Variants in NSMAF observed in about 807,000 individuals in gnomAD.
NSMAF encodes neutral sphingomyelinase activation associated factor.
In NSMAF, 90 loss-of-function variants were observed where a neutral mutation model predicts 134.9. The observed-to-expected ratio is 0.67, with a 90% CI of 0.56 to 0.79. NSMAF has a LOEUF of 0.79. Ranked by LOEUF, NSMAF falls within the 30% of genes least tolerant of loss-of-function variation. NSMAF has a pLI of 0.00. For synonymous variants in NSMAF, 358 were observed against 389.6 expected, an observed-to-expected ratio of 0.92 and a Z score of 0.96; for missense variants, 1,010 against 1,119.0, an observed-to-expected ratio of 0.90 and a Z score of 1.39.
chr8:58,603,019 A>G (rs890524182), intron 13 of NSMAF, among the ~76,000 whole-genome samples, 191 bp downstream of exon 13: 4 of 152,206 alleles, frequency 2.6e-5, no homozygotes, highest in African/African-American at 4.8e-5. Flanking sequence ...ACATACATGA[A>G]ACACTTACGT....
In NSMAF at chr8:58,623,731, T is replaced by A. The variant is rs761251193; in HGVS notation, c.434A>T (p.Asp145Val). The change falls in exon 7 of 31, where the codon GAT becomes GTT. Residue 145 changes from aspartate to valine, a missense_variant. Coordinates refer to ENST00000038176, the MANE Select transcript of NSMAF (RefSeq NM_003580.4). The stretch of plus-strand genomic sequence containing the variant: ...TACCTGAAGCAACGTCTCCACAACA[T>A]CTTCCACTTTCCCGGGAACATCCAA... ...FELDVPGKVE[D>V]VVETLLQLHR... The A allele has an allele frequency of 2.1e-5, 34 of 1,614,028 alleles. No individual in the cohort carries two copies. The highest frequency in any genetic ancestry group is 3.3e-4 in the Middle Eastern group (2 of 6,084).
intron 6 of NSMAF, among the ~76,000 whole-genome samples, chr8:58,630,761 A>G (rs2129145472): frequency 6.6e-6 from 1 of 152,334 alleles, no homozygotes; most frequent in South Asian, 2.1e-4. Context: ...CGTAAAACCC[A>G]GAGGCCACTG....
intron 9 of NSMAF, among the ~76,000 whole-genome samples, chr8:58,611,762 AT>A (rs1273065321): frequency 6.6e-6 from 1 of 152,196 alleles, no homozygotes; most frequent in East Asian, 1.9e-4. Context: ...AATGAAAAAA[AT>A]ATATAGGAGT....
chr8:58,589,922 A>G (rs1008906787), intron 25 of NSMAF, 85 bp downstream of exon 25: 17 of 1,131,966 alleles, frequency 1.5e-5, no homozygotes, highest in Admixed American at 7.5e-5. Flanking sequence ...CCTGGCAGGG[A>G]AAGCTTCTGG....
intron 1 of NSMAF, among the ~76,000 whole-genome samples, chr8:58,652,173 A>G (rs974763056): frequency 1.3e-5 from 2 of 152,176 alleles, no homozygotes; most frequent in African/African-American, 4.8e-5. Context: ...AAAAAAATCT[A>G]TATCTAGACA....
At chr8:58,652,264 T>C (rs1807602783) in intron 1 of NSMAF, among the ~76,000 whole-genome samples, 1 of 152,100 alleles carries the variant, frequency 6.6e-6, no homozygotes, top group Non-Finnish European at 1.5e-5. Flanking sequence ...GACTTAACAA[T>C]ATTGGTTTGT....
At chr8:58,651,282 C>T (rs1807576859) in intron 1 of NSMAF, among the ~76,000 whole-genome samples, 1 of 152,196 alleles carries the variant, frequency 6.6e-6, no homozygotes, top group Non-Finnish European at 1.5e-5. Flanking sequence ...ATTTCTAGTT[C>T]CTGTACCAGT....
intron 16 of NSMAF, among the ~76,000 whole-genome samples, chr8:58,600,483 C>T (rs906335436): frequency 2.0e-5 from 3 of 151,764 alleles, no homozygotes; most frequent in Non-Finnish European, 4.4e-5. Flanking sequence ...ATTAGCTGGG[C>T]GTGGTGGCAT....
intron 9 of NSMAF, among the ~76,000 whole-genome samples, chr8:58,616,880 C>T (rs76937541): frequency 0.038 from 5,731 of 152,106 alleles, 105 homozygotes; most frequent in Non-Finnish European, 0.044. Flanking sequence ...TTAGAAGAGT[C>T]ATAGTATACA....
intron 9 of NSMAF, among the ~76,000 whole-genome samples, chr8:58,614,740 C>G (rs1269419383): frequency 6.6e-6 from 1 of 152,162 alleles, no homozygotes; most frequent in Non-Finnish European, 1.5e-5. Context: ...ATAAAAGATT[C>G]TCCTGTTTTA....
chr8:58,599,408 T>A, intron 18 of NSMAF, 45 bp from the exon 19 acceptor site: 1 of 1,597,782 alleles, frequency 6.3e-7, no homozygotes, highest in East Asian at 2.2e-5. Flanking sequence ...TCTTCATTTT[T>A]TTCCTCCCAT....
chr8:58,595,649 A>T lies in NSMAF; in HGVS notation c.1803T>A (p.Ser601=). ...TGCTTTCTTCGGTCAGGTCTTCAAA[A>T]GACTCTTCACCTGGAGAGACGACAT... ...ASMADSPGEE[S]FEDLTEESKT... Residue 601 remains serine, a synonymous_variant, in exon 22 of 31, where the codon TCT becomes TCA. Transcript: ENST00000038176. 1 of 1,612,696 alleles carries T rather than the reference A, an allele frequency of 6.2e-7. No individual in the cohort carries two copies. The highest frequency in any genetic ancestry group is 8.5e-7 in the Non-Finnish European group (1 of 1,178,948).
At chr8:58,627,172 T>C (rs1268985202) in intron 6 of NSMAF, among the ~76,000 whole-genome samples, 4 of 152,258 alleles carry the variant, frequency 2.6e-5, no homozygotes, top group African/African-American at 9.6e-5. Context: ...CTGTTTACTC[T>C]GCTGGTTATT....
At chr8:58,640,138 A>G (rs899693463) in intron 2 of NSMAF, 4 of 447,530 alleles carry the variant, frequency 8.9e-6, no homozygotes, top group Admixed American at 2.4e-5. Context: ...ACTACAGTCC[A>G]TACCACATCA....
In NSMAF at chr8:58,603,268, G is replaced by A; in HGVS notation, c.987C>T (p.Asp329=). 1.2e-6 allele frequency: 2 copies of A among 1,614,208 alleles called. No individual in the cohort carries two copies. Among genetic ancestry groups the A allele is most frequent in the Non-Finnish European group, 1.7e-6 (2 of 1,180,038 alleles). The part of the protein sequence containing the change: ...LNNLADRSCN[D]LSQYPVFPWI... ...ATGGAAACACAGGGTACTGGGAGAG[G>A]TCGTTGCAGCTGCGGTCGGCCAGGT... Residue 329 remains aspartate, a synonymous_variant, in exon 13 of 31, where the codon GAC becomes GAT. Transcript: ENST00000038176.
chr8:58,599,629 T>C, intron 18 of NSMAF, 121 bp downstream of exon 18: 1 of 1,130,268 alleles, frequency 8.8e-7, no homozygotes, highest in South Asian at 1.5e-5. Context: ...ATAGGGCTCA[T>C]ATATCCTTAT....
chr8:58,596,554 G>A (rs2129140286), intron 21 of NSMAF, among the ~76,000 whole-genome samples: 1 of 152,302 alleles, frequency 6.6e-6, no homozygotes, highest in Non-Finnish European at 1.5e-5. Flanking sequence ...CACATGCCCA[G>A]CGCAGAACAG....
intron 26 of NSMAF, chr8:58,588,831 C>G: frequency 1.3e-6 from 1 of 783,602 alleles, no homozygotes; most frequent in Non-Finnish European, 2.2e-6. Flanking sequence ...ACTAATATTT[C>G]TGATCATGGC....
At chr8:58,593,916 CA>C (rs1203226836) in intron 23 of NSMAF, among the ~76,000 whole-genome samples, 1 of 152,218 alleles carries the variant, frequency 6.6e-6, no homozygotes, top group African/African-American at 2.4e-5. Flanking sequence ...TACTCACAGC[CA>C]ACCCCAACAA....
Sources: gnomAD v4.1 joint callset for allele counts (sites outside exome capture counted in the v4.1 genomes callset) on GRCh38, gnomAD v4.1.1 for gene constraint, MANE v1.5 for transcripts, NCBI Gene and HGNC (gene_info 2026-07-23, HGNC 2026-07-21) for gene names.